The following PHF14 variants were observed in gnomAD, a reference collection of about 807,000 sequenced individuals.
PHF14 encodes the protein PHD finger protein 14.
In PHF14, 55 loss-of-function variants were observed where a neutral mutation model predicts 117.9. That is an observed-to-expected ratio of 0.47 (90% CI 0.38 to 0.58). The LOEUF (loss-of-function observed/expected upper bound fraction) is 0.58, where lower values mean the gene tolerates loss of function less well. PHF14 is among the 20% of genes least tolerant of loss of function. PHF14 has a pLI of 0.00. For synonymous variants in PHF14, 409 were observed against 368.6 expected (o/e 1.11, Z -1.26); for missense variants, 978 against 1,122.2 (o/e 0.87, Z 1.84).
Position 11,053,230 on chromosome 7 carries a change from A to T in PHF14, c.2481+1450A>T, listed in dbSNP as rs186182351. On this transcript the variant is annotated intron_variant, in intron 14 of 17. Coordinates refer to ENST00000634607, the MANE Select transcript of PHF14 (RefSeq NM_001007157.2). ...ACCTCCTATATTATAATCACTTAAAAGATCTTATTCAGGAGATTCAGCTTG... is the reference window on the plus strand; with the variant it reads ...ACCTCCTATATTATAATCACTTAAATGATCTTATTCAGGAGATTCAGCTTG... Among the ~76,000 whole-genome samples, 99 of 152,252 alleles carry T rather than the reference A, an allele frequency of 6.5e-4. 1 individual carries two copies. The highest frequency in any genetic ancestry group is 3.3e-3 in the Admixed American group (50 of 15,286).
intron 17 of PHF14, among the ~76,000 whole-genome samples, chr7:11,118,758 G>A (rs1787669606): frequency 6.6e-6 from 1 of 151,678 alleles, no homozygotes; most frequent in South Asian, 2.1e-4. Context: ...AATCAGTATT[G>A]ATCTGTTTGG....
At chr7:11,035,495 T>G in intron 7 of PHF14, 145 bp from the exon 8 acceptor site, 1 of 434,786 alleles carries the variant, frequency 2.3e-6, no homozygotes, top group Non-Finnish European at 3.9e-6. Context: ...TTTGTCATTA[T>G]GTACAAAAAT....
At chr7:11,126,062 A>C (rs1388928240) in intron 17 of PHF14, among the ~76,000 whole-genome samples, 1 of 152,110 alleles carries the variant, frequency 6.6e-6, no homozygotes, top group African/African-American at 2.4e-5. Flanking sequence ...ATTTTTAAAG[A>C]CCAATAGTAT....
At chr7:11,038,039 A>T (rs1784368737) in intron 10 of PHF14, among the ~76,000 whole-genome samples, 1 of 152,224 alleles carries the variant, frequency 6.6e-6, no homozygotes, top group Admixed American at 6.5e-5. Flanking sequence ...GCCAGCAGAA[A>T]ACAAAATGCT....
chr7:10,974,290 A>C lies in PHF14; in HGVS notation c.-34A>C. 1 of 1,580,878 alleles carries C rather than the reference A, an allele frequency of 6.3e-7. No individual in the cohort carries two copies. The highest frequency in any genetic ancestry group is 1.2e-5 in the South Asian group (1 of 86,634). On this transcript the variant is annotated 5_prime_UTR_variant, in exon 1 of 18. Transcript: ENST00000634607. ...CCTGGGCTCCTGCAGCCTCTCCCTA[A>C]GTCTTCTCCAAACGACCACCTCACG... is the stretch of plus-strand genomic sequence containing the variant.
At chr7:11,141,936 T>C (rs865998542) in intron 17 of PHF14, among the ~76,000 whole-genome samples, 1 of 152,026 alleles carries the variant, frequency 6.6e-6, no homozygotes, top group African/African-American at 2.4e-5. Context: ...CTTCCTCAAA[T>C]TATCAAAATA....
At chr7:11,056,712 G>T (rs1785032016) in intron 14 of PHF14, among the ~76,000 whole-genome samples, 1 of 150,028 alleles carries the variant, frequency 6.7e-6, no homozygotes, top group South Asian at 2.1e-4. Context: ...TAGGAATTAT[G>T]TATATGTATA....
At chr7:11,160,294 C>A (rs1337590704) in intron 17 of PHF14, among the ~76,000 whole-genome samples, 1 of 152,162 alleles carries the variant, frequency 6.6e-6, no homozygotes, top group Non-Finnish European at 1.5e-5. Flanking sequence ...TTTCTTTATC[C>A]AGTCCACCAT....
intron 6 of PHF14, among the ~76,000 whole-genome samples, chr7:11,027,179 T>G (rs986129543): frequency 3.3e-5 from 5 of 152,218 alleles, no homozygotes; most frequent in Admixed American, 2.0e-4. Flanking sequence ...AAACAATATG[T>G]CTCTGTTCAC....
At chr7:11,106,193 A>C in intron 16 of PHF14, 4 of 981,152 alleles carry the variant, frequency 4.1e-6, no homozygotes, top group Non-Finnish European at 4.8e-6. Flanking sequence ...TAGCTAACTG[A>C]ATTGATCCCA....
chr7:11,119,064 T>C (rs771299528), intron 17 of PHF14, among the ~76,000 whole-genome samples: 6 of 151,882 alleles, frequency 4.0e-5, no homozygotes, highest in Non-Finnish European at 8.8e-5. Flanking sequence ...AGCCATTTTC[T>C]AAGTGGCATG....
At chr7:10,999,790 A>C (rs1437146088) in intron 4 of PHF14, among the ~76,000 whole-genome samples, 2 of 152,240 alleles carry the variant, frequency 1.3e-5, no homozygotes, top group African/African-American at 4.8e-5. Flanking sequence ...AAATGAGATG[A>C]TCAAGCTGAG....
At chr7:11,067,298 A>G (rs933030265) in intron 16 of PHF14, among the ~76,000 whole-genome samples, 2 of 152,236 alleles carry the variant, frequency 1.3e-5, no homozygotes, top group African/African-American at 4.8e-5. Context: ...ATTAAAATAA[A>G]TAAATAAACA....
chr7:11,074,464 C>G (rs1785750922), intron 16 of PHF14, among the ~76,000 whole-genome samples: 1 of 152,170 alleles, frequency 6.6e-6, no homozygotes, highest in Non-Finnish European at 1.5e-5. Flanking sequence ...CCTGCTTCAG[C>G]CTCCCAAAGT....
intron 16 of PHF14, among the ~76,000 whole-genome samples, chr7:11,080,286 T>C: frequency 6.6e-6 from 1 of 152,162 alleles, no homozygotes; most frequent in East Asian, 1.9e-4. Context: ...AAAAACTTGA[T>C]AACTTATATT....
At chr7:11,129,933 T>C (rs1320062685) in intron 17 of PHF14, among the ~76,000 whole-genome samples, 1 of 151,980 alleles carries the variant, frequency 6.6e-6, no homozygotes, top group East Asian at 1.9e-4. Context: ...AAATACAACA[T>C]TTCAATAGAA....
At chr7:11,000,670 G>C (rs1440927472) in intron 4 of PHF14, among the ~76,000 whole-genome samples, 1 of 151,996 alleles carries the variant, frequency 6.6e-6, no homozygotes, top group Non-Finnish European at 1.5e-5. Flanking sequence ...TCTTGGATGA[G>C]GTGTCTATTC....
intron 16 of PHF14, chr7:11,071,329 C>A (rs757006369): frequency 5.8e-6 from 3 of 512,922 alleles, no homozygotes; most frequent in Non-Finnish European, 1.2e-5. Context: ...TACTCAGTAG[C>A]ATCTTCTTCC....
intron 17 of PHF14, among the ~76,000 whole-genome samples, chr7:11,154,161 A>T (rs1388136445): frequency 6.6e-6 from 1 of 152,030 alleles, no homozygotes; most frequent in African/African-American, 2.4e-5. Flanking sequence ...CATTGCTATG[A>T]CTTGGACTAT....
Sources: gnomAD v4.1 joint callset for allele counts (sites outside exome capture counted in the v4.1 genomes callset) on GRCh38, gnomAD v4.1.1 for gene constraint, MANE v1.5 for transcripts, NCBI Gene and HGNC (gene_info 2026-07-23, HGNC 2026-07-21) for gene names.